LRP1B: variants seen among roughly 807,000 people sequenced by gnomAD.
The protein encoded by LRP1B is low-density lipoprotein receptor-related protein 1B.
LRP1B carries 217 observed loss-of-function variants against 556.6 expected under a neutral mutation model. That is an observed-to-expected ratio of 0.39 (90% CI 0.35 to 0.44). LRP1B has a LOEUF of 0.44. LRP1B is among the 20% of genes least tolerant of loss of function. The pLI, the probability that LRP1B is intolerant of heterozygous loss-of-function variation, is 1.00. For synonymous variants in LRP1B, 2,047 were observed against 1,865.8 expected, an observed-to-expected ratio of 1.10 and a Z score of -2.50; for missense variants, 5,053 against 5,620.8, an observed-to-expected ratio of 0.90 and a Z score of 3.23.
chr2:141,967,731 T>C (rs1168996642), intron 1 of LRP1B, among the ~76,000 whole-genome samples: 2 of 151,866 alleles, frequency 1.3e-5, no homozygotes, highest in East Asian at 3.9e-4. Context: ...TAACACCTTC[T>C]GCTTAAAGAG....
chr2:141,057,886 T>C (rs1699225015), intron 9 of LRP1B, among the ~76,000 whole-genome samples: 1 of 151,932 alleles, frequency 6.6e-6, no homozygotes, highest in Admixed American at 6.6e-5. Context: ...GACTCTTCCA[T>C]ATAAAATTGA....
chr2:140,517,077 A>G, intron 49 of LRP1B, 66 bp from the exon 50 acceptor site: 1 of 1,122,452 alleles, frequency 8.9e-7, no homozygotes, highest in Non-Finnish European at 1.3e-6. Flanking sequence ...TAGATAAATC[A>G]TTAATACTCC....
intron 7 of LRP1B, among the ~76,000 whole-genome samples, chr2:141,134,729 A>G (rs1701447670): frequency 6.6e-6 from 1 of 151,570 alleles, no homozygotes; most frequent in Admixed American, 6.6e-5. Context: ...AACTACCAAA[A>G]AAAAAAAATG....
chr2:142,087,702 GAAAGAT>G (rs1326513613), intron 1 of LRP1B, among the ~76,000 whole-genome samples: 3 of 151,806 alleles, frequency 2.0e-5, no homozygotes, highest in Non-Finnish European at 2.9e-5. Context: ...GAACCACAGA[GAAAGAT>G]AAAGTGTCTA....
intron 25 of LRP1B, among the ~76,000 whole-genome samples, chr2:140,870,574 G>T (rs567866971): frequency 6.6e-6 from 1 of 152,160 alleles, no homozygotes; most frequent in African/African-American, 2.4e-5. Context: ...GAGAGGGAGT[G>T]AAAAATTCCC....
chr2:140,322,060 G>A lies in LRP1B; in HGVS notation c.12543C>T (p.Cys4181=), dbSNP rs774457958. ...DLPNPCLDLA[C]EFLCLLNPSG... ...AAGGATTTAGCAAGCAAAGAAATTC[G>A]CATGCTAAATCCAAGCATGGATTGG... The change falls in exon 82 of 91, where the codon TGC becomes TGT. Residue 4181 remains cysteine (C), a synonymous_variant. Transcript: ENST00000389484. 62 of 1,612,626 alleles carry A rather than the reference G, an allele frequency of 3.8e-5. No individual in the cohort carries two copies. The East Asian group carries it at 4.0e-4, about 10-fold the overall frequency.
chr2:140,439,103 T>A (rs1686313899), intron 66 of LRP1B, among the ~76,000 whole-genome samples: 1 of 152,216 alleles, frequency 6.6e-6, no homozygotes, highest in Non-Finnish European at 1.5e-5. Context: ...GACATGTGAA[T>A]CTAGCACAGT....
intron 3 of LRP1B, among the ~76,000 whole-genome samples, chr2:141,319,224 T>A (rs1687139930): frequency 6.6e-6 from 1 of 151,950 alleles, no homozygotes. Flanking sequence ...TTCATGAACT[T>A]GTCCTAAAAT....
chr2:141,174,206 C>G lies in LRP1B; in HGVS notation c.1013+14215G>C, dbSNP rs186712348. Among the ~76,000 whole-genome samples the G allele has an allele frequency of 5.3e-5, 8 of 152,172 alleles. No homozygotes were observed. The East Asian group carries it at 9.7e-4, about 19-fold the overall frequency. On this transcript the variant is annotated intron_variant, in intron 7 of 90. Transcript: ENST00000389484. ...TATGAAGCATAAACAAAAGAATAAT[C>G]ATTTGAAAATGAACTTCCTCATGGT...
intron 83 of LRP1B, among the ~76,000 whole-genome samples, chr2:140,301,027 CTATT>C (rs1452162233): frequency 2.0e-5 from 3 of 151,920 alleles, no homozygotes; most frequent in African/African-American, 4.8e-5. Flanking sequence ...TGTTTTATCT[CTATT>C]ATTTATTTAA....
intron 35 of LRP1B, among the ~76,000 whole-genome samples, chr2:140,765,134 T>C (rs1559105005): frequency 2.0e-5 from 3 of 152,092 alleles, no homozygotes; most frequent in African/African-American, 7.2e-5. Flanking sequence ...TGGACCCTTG[T>C]TTATCTTCAT....
At chr2:141,067,122 A>T (rs1699501492) in intron 7 of LRP1B, among the ~76,000 whole-genome samples, 1 of 151,926 alleles carries the variant, frequency 6.6e-6, no homozygotes, top group African/African-American at 2.4e-5. Context: ...TTTTTATGCC[A>T]TTGTACCTTG....
chr2:141,909,224 A>G (rs1295411806), intron 1 of LRP1B, among the ~76,000 whole-genome samples: 1 of 152,240 alleles, frequency 6.6e-6, no homozygotes, highest in South Asian at 2.1e-4. Context: ...TTCTGTTTCT[A>G]TATTGCTTAA....
intron 2 of LRP1B, among the ~76,000 whole-genome samples, chr2:141,793,873 T>C (rs916381653): frequency 1.3e-5 from 2 of 151,902 alleles, no homozygotes; most frequent in African/African-American, 2.4e-5. Context: ...GAGAGGAGTT[T>C]TTATCCTTAC....
intron 81 of LRP1B, among the ~76,000 whole-genome samples, chr2:140,323,606 TAATAA>T (rs369369770): frequency 1.7e-3 from 264 of 151,900 alleles, no homozygotes; most frequent in African/African-American, 5.0e-3. Flanking sequence ...AGTATAATAA[TAATAA>T]AATAAAAGAA....
intron 3 of LRP1B, among the ~76,000 whole-genome samples, chr2:141,437,916 T>A (rs1264527444): frequency 6.6e-6 from 1 of 152,128 alleles, no homozygotes; most frequent in East Asian, 1.9e-4. Flanking sequence ...TTAATGAGTT[T>A]GCATTTAAAA....
intron 35 of LRP1B, among the ~76,000 whole-genome samples, chr2:140,732,614 C>T (rs184098854): frequency 6.1e-4 from 93 of 151,958 alleles, no homozygotes; most frequent in South Asian, 4.1e-3. Flanking sequence ...GTTCAAGCAA[C>T]AGATGTTTTT....
At chr2:140,848,796 A>T (rs1367565255) in intron 29 of LRP1B, among the ~76,000 whole-genome samples, 1 of 152,146 alleles carries the variant, frequency 6.6e-6, no homozygotes, top group Admixed American at 6.5e-5. Context: ...CTGAAATCAC[A>T]ATGTGCCAAA....
In LRP1B at chr2:141,745,655, C is replaced by T. The variant is rs562533588; in HGVS notation, c.205+64624G>A. On this transcript the variant is annotated intron_variant, in intron 2 of 90. Transcript: ENST00000389484. ...GGCCTGGAACTGGGTACTCCAAGAT[C>T]CTGCTTGGTGCCCTCCCCAACTGTG... 2.0e-5 allele frequency among the ~76,000 whole-genome samples: 3 copies of T among 151,628 alleles called. No homozygotes were observed. The South Asian group carries it at 6.3e-4, about 32-fold the overall frequency.
Sources: gnomAD v4.1 joint callset for allele counts (sites outside exome capture counted in the v4.1 genomes callset) on GRCh38, gnomAD v4.1.1 for gene constraint, MANE v1.5 for transcripts, NCBI Gene and HGNC (gene_info 2026-07-23, HGNC 2026-07-21) for gene names.